The following EPDR1 variants were observed in gnomAD, a reference collection of about 807,000 sequenced individuals.
EPDR1 encodes mammalian ependymin-related protein 1.
In EPDR1, 27 loss-of-function variants were observed where a neutral mutation model predicts 23.7. The observed-to-expected ratio is 1.14, with a 90% CI of 0.84 to 1.57. The LOEUF (loss-of-function observed/expected upper bound fraction) is 1.57. EPDR1 is among the 40% of genes most tolerant of loss of function. EPDR1 has a pLI of 0.00. For missense variants in EPDR1, 349 were observed against 290.4 expected, an observed-to-expected ratio of 1.20 and a Z score of -1.47; for synonymous variants, 137 against 118.2, an observed-to-expected ratio of 1.16 and a Z score of -1.03.
chr7:37,945,207 C>T (rs768106987), intron 1 of EPDR1, among the ~76,000 whole-genome samples: 1 of 152,202 alleles, frequency 6.6e-6, no homozygotes, highest in Non-Finnish European at 1.5e-5. Context: ...AAAACAGTGA[C>T]AATCCAAACC....
intron 1 of EPDR1, among the ~76,000 whole-genome samples, chr7:37,929,786 A>T (rs1396272066): frequency 6.6e-6 from 1 of 152,170 alleles, no homozygotes; most frequent in African/African-American, 2.4e-5. Flanking sequence ...CAGAGAGTGG[A>T]TGCCCCAAAC....
intron 1 of EPDR1, among the ~76,000 whole-genome samples, chr7:37,924,310 C>T (rs1785773502): frequency 6.6e-6 from 1 of 152,154 alleles, no homozygotes; most frequent in Non-Finnish European, 1.5e-5. Flanking sequence ...GACAGGCCAG[C>T]CTGGGGTAAG....
chr7:37,939,638 G>T (rs1435077509), intron 1 of EPDR1, among the ~76,000 whole-genome samples: 1 of 152,028 alleles, frequency 6.6e-6, no homozygotes, highest in Non-Finnish European at 1.5e-5. Context: ...AAAAAAGTTG[G>T]AATCCATGCA....
chr7:37,950,520 C>A lies in EPDR1; in HGVS notation c.*124C>A. The A allele has an allele frequency of 1.1e-6, 1 of 939,466 alleles. No homozygotes were observed. Among genetic ancestry groups the A allele is most frequent in the Non-Finnish European group, 1.6e-6 (1 of 641,828 alleles). The allele number at this position is 939,466 out of a possible 1,614,324, so 58.2% of individuals were successfully genotyped here. On this transcript the variant is annotated 3_prime_UTR_variant, in exon 3 of 3. Transcript: ENST00000199448. ...AGAAATATAATTTTAGGAAGATGCA[C>A]ATTGATGTGGGGTTTTGATGTGTCT...
In EPDR1 at chr7:37,950,363, A is replaced by G. The variant is rs370369813; in HGVS notation, c.642A>G (p.Gln214=). Residue 214 remains glutamine (Q), a synonymous_variant, in exon 3 of 3, where the codon CAA becomes CAG. Transcript: ENST00000199448. ...CTCCAAGCACGTGCCAGATGGCCCAACTGGAGAAGATGAGCGAAGACTGCT... is the reference window on the plus strand; with the variant it reads ...CTCCAAGCACGTGCCAGATGGCCCAGCTGGAGAAGATGAGCGAAGACTGCT... The part of the protein sequence containing the change: ...FTPPSTCQMA[Q]LEKMSEDCSW 14 of 1,613,720 alleles carry G rather than the reference A, an allele frequency of 8.7e-6. No homozygotes were observed. In the African/African-American group the frequency reaches 1.6e-4, roughly 18 times the overall value.
chr7:37,923,458 T>A (rs1785752967), intron 1 of EPDR1, among the ~76,000 whole-genome samples: 1 of 152,196 alleles, frequency 6.6e-6, no homozygotes, highest in Non-Finnish European at 1.5e-5. Flanking sequence ...ATAGGGTAGA[T>A]GGTGATGCTG....
rs1785855141 is a variant in EPDR1 at position 37,928,166 on chromosome 7, C to A, written c.269+6958C>A. ...TACGAATGGAAGCCAGAGGTGGTCACTATACTGCTTTGAAAACATCTTTAC... is the reference window on the plus strand; with the variant it reads ...TACGAATGGAAGCCAGAGGTGGTCAATATACTGCTTTGAAAACATCTTTAC... On this transcript the variant is annotated intron_variant, in intron 1 of 2. Coordinates refer to ENST00000199448, the MANE Select transcript of EPDR1 (RefSeq NM_017549.5). Among the ~76,000 whole-genome samples, 3 of 152,164 alleles carry A rather than the reference C, an allele frequency of 2.0e-5. 1 individual carries two copies. The South Asian group carries it at 6.2e-4, about 32-fold the overall frequency.
chr7:37,939,244 G>C (rs1786121876), intron 1 of EPDR1, among the ~76,000 whole-genome samples: 1 of 152,066 alleles, frequency 6.6e-6, no homozygotes, highest in Admixed American at 6.5e-5. Flanking sequence ...CTCCCAAAGT[G>C]CTGGTATTAC....
At position 37,949,066 on chromosome 7, in the gene EPDR1, C is replaced by G; in HGVS notation, c.478+18C>G. The G allele has an allele frequency of 6.2e-7, 1 of 1,609,974 alleles. No individual in the cohort carries two copies. ...TAGATCCTGTAAGGGTTCAAAGAAT[C>G]TAAGCATTGTATTCAGCATGCATGA... On this transcript the variant is annotated intron_variant, in intron 2 of 2. Coordinates refer to ENST00000199448, the MANE Select transcript of EPDR1 (RefSeq NM_017549.5).
chr7:37,941,112 T>C (rs1042514623), intron 1 of EPDR1, among the ~76,000 whole-genome samples: 3 of 152,208 alleles, frequency 2.0e-5, no homozygotes, highest in African/African-American at 7.2e-5. Flanking sequence ...TCAAAAGGAA[T>C]AATGACTTTA....
chr7:37,933,378 G>A (rs1315454145), intron 1 of EPDR1, among the ~76,000 whole-genome samples: 1 of 152,148 alleles, frequency 6.6e-6, no homozygotes, highest in African/African-American at 2.4e-5. Flanking sequence ...GTTCTACATG[G>A]ATGGGAAGAA....
At chr7:37,928,197 C>G (rs1007060276) in intron 1 of EPDR1, among the ~76,000 whole-genome samples, 30 of 152,170 alleles carry the variant, frequency 2.0e-4, no homozygotes, top group African/African-American at 6.5e-4. Context: ...TTTACTTTCT[C>G]CAATAACCTT....
intron 1 of EPDR1, among the ~76,000 whole-genome samples, chr7:37,944,973 C>G (rs35366080): frequency 6.6e-6 from 1 of 152,208 alleles, no homozygotes; most frequent in South Asian, 2.1e-4. Context: ...ATATCTAGCA[C>G]TGGGGAAAGC....
chr7:37,935,934 A>G, intron 1 of EPDR1, among the ~76,000 whole-genome samples: 1 of 146,854 alleles, frequency 6.8e-6, no homozygotes, highest in Non-Finnish European at 1.5e-5. Context: ...CATCATTAAT[A>G]TTAACAAAAC....
intron 1 of EPDR1, among the ~76,000 whole-genome samples, chr7:37,931,536 A>T (rs533407356): frequency 3.3e-5 from 5 of 151,938 alleles, no homozygotes; most frequent in Admixed American, 6.6e-5. Context: ...TAAAAAAAAT[A>T]AAAAAAAGAG....
chr7:37,935,993 CATATATATATATATATATATATAT>C lies in EPDR1; in HGVS notation c.270-12823_270-12800del, dbSNP rs752536687. 1.4e-3 allele frequency among the ~76,000 whole-genome samples: 62 copies of C among 45,586 alleles called. 3 individuals are homozygous for C. The highest frequency in any genetic ancestry group is 3.8e-3 in the South Asian group (4 of 1,062). 29.9% of individuals were successfully genotyped at this position (45,586 alleles called of 152,430 possible). On this transcript the variant is annotated intron_variant, in intron 1 of 2. Transcript: ENST00000199448. Reference sequence around the variant, plus strand: ...TGATTTGGGAACTAGCAAATCATGGCATATATATATATATATATATATATATATATATATATATATATATATACA... The same window carrying C: ...TGATTTGGGAACTAGCAAATCATGGCATATATATATATATATATATATACA...
At chr7:37,944,151 G>A (rs866611116) in intron 1 of EPDR1, among the ~76,000 whole-genome samples, 1 of 152,226 alleles carries the variant, frequency 6.6e-6, no homozygotes, top group South Asian at 2.1e-4. Flanking sequence ...TGTAAGCGGG[G>A]GTGCTCCAAG....
chr7:37,941,129 T>A (rs906309710), intron 1 of EPDR1, among the ~76,000 whole-genome samples: 4 of 152,218 alleles, frequency 2.6e-5, no homozygotes, highest in African/African-American at 9.6e-5. Flanking sequence ...TTTAATTGTT[T>A]GTCATACATT....
chr7:37,925,369 G>C (rs1785793628), intron 1 of EPDR1, among the ~76,000 whole-genome samples: 1 of 152,164 alleles, frequency 6.6e-6, no homozygotes, highest in African/African-American at 2.4e-5. Flanking sequence ...AATATGCACA[G>C]TCTGGTATCT....
Sources: allele counts gnomAD v4.1 joint callset (sites outside exome capture counted in the v4.1 genomes callset), GRCh38; gene constraint gnomAD v4.1.1; transcripts MANE v1.5; gene names NCBI Gene and HGNC (gene_info 2026-07-23, HGNC 2026-07-21).